Variants in FAM168A observed in about 807,000 individuals in gnomAD.
FAM168A encodes family with sequence similarity 168 member A.
In FAM168A, 3 loss-of-function variants were observed where a neutral mutation model predicts 28.5. The observed-to-expected ratio is 0.11, with a 90% CI of 0.05 to 0.27. The LOEUF is 0.27. Ranked by LOEUF, FAM168A falls within the 10% of genes least tolerant of loss-of-function variation. The pLI is 1.00. For missense variants in FAM168A, 222 were observed against 311.5 expected (o/e 0.71, Z 2.16); for synonymous variants, 122 against 124.2 (o/e 0.98, Z 0.12).
intron 1 of FAM168A, among the ~76,000 whole-genome samples, chr11:73,518,602 T>C (rs1167643894): frequency 6.6e-6 from 1 of 151,784 alleles, no homozygotes; most frequent in Non-Finnish European, 1.5e-5. Flanking sequence ...GTGCTGGCTC[T>C]TAAAACGAAT....
intron 1 of FAM168A, among the ~76,000 whole-genome samples, chr11:73,579,912 T>C (rs1044023806): frequency 1.3e-5 from 2 of 152,212 alleles, no homozygotes; most frequent in South Asian, 2.1e-4. Context: ...ATTTTTCAGA[T>C]ACCATTCATT....
chr11:73,497,396 C>T (rs532066428), intron 1 of FAM168A, among the ~76,000 whole-genome samples: 33 of 151,636 alleles, frequency 2.2e-4, no homozygotes, highest in East Asian at 9.7e-4. Flanking sequence ...ACCTGGGAGG[C>T]GGAGGTTGCA....
chr11:73,597,059 T>C (rs1376259544), intron 1 of FAM168A, among the ~76,000 whole-genome samples: 1 of 152,036 alleles, frequency 6.6e-6, no homozygotes, highest in East Asian at 1.9e-4. Flanking sequence ...TTTCCAGTGA[T>C]TGTAAGATCA....
intron 3 of FAM168A, among the ~76,000 whole-genome samples, chr11:73,429,564 C>T (rs1866948032): frequency 6.6e-6 from 1 of 152,198 alleles, no homozygotes; most frequent in Non-Finnish European, 1.5e-5. Context: ...CATGTTCTCA[C>T]ATCTCTAAGC....
intron 1 of FAM168A, among the ~76,000 whole-genome samples, chr11:73,550,803 C>T (rs908386590): frequency 2.0e-5 from 3 of 150,724 alleles, no homozygotes. Context: ...GCTGGAACAA[C>T]ATATGAAAAA....
chr11:73,455,056 C>G (rs1867504267), intron 2 of FAM168A, among the ~76,000 whole-genome samples: 3 of 152,244 alleles, frequency 2.0e-5, no homozygotes, highest in African/African-American at 7.2e-5. Flanking sequence ...GCTGTTAACA[C>G]TTAAGCTGTT....
At chr11:73,496,554 T>TG (rs1226631155) in intron 1 of FAM168A, among the ~76,000 whole-genome samples, 3 of 152,182 alleles carry the variant, frequency 2.0e-5, no homozygotes, top group African/African-American at 7.2e-5. Flanking sequence ...TTTGTTTGTT[T>TG]GTTTGGTTGG....
chr11:73,507,670 ATGT>A (rs1229579064), intron 1 of FAM168A, among the ~76,000 whole-genome samples: 11 of 152,190 alleles, frequency 7.2e-5, no homozygotes, highest in Admixed American at 7.2e-4. Context: ...TATACATGCC[ATGT>A]TATTATTGGT....
intron 2 of FAM168A, among the ~76,000 whole-genome samples, chr11:73,464,882 C>G (rs1023983948): frequency 4.7e-5 from 7 of 147,556 alleles, no homozygotes; most frequent in African/African-American, 1.5e-4. Context: ...TTTTTTAAAA[C>G]AAATGATAGA....
chr11:73,516,156 A>G (rs1330501313), intron 1 of FAM168A, among the ~76,000 whole-genome samples: 3 of 152,080 alleles, frequency 2.0e-5, no homozygotes, highest in Non-Finnish European at 2.9e-5. Context: ...AAAGGCATTA[A>G]GATTTCTGGC....
intron 1 of FAM168A, among the ~76,000 whole-genome samples, chr11:73,513,680 C>T (rs1479808750): frequency 6.6e-6 from 1 of 152,076 alleles, no homozygotes; most frequent in Non-Finnish European, 1.5e-5. Flanking sequence ...GTCACCTGAC[C>T]TGCACTGGAA....
intron 3 of FAM168A, among the ~76,000 whole-genome samples, chr11:73,423,918 T>A (rs1025131866): frequency 1.3e-5 from 2 of 152,214 alleles, no homozygotes; most frequent in Non-Finnish European, 2.9e-5. Flanking sequence ...CTATTTCAGA[T>A]GCTATAACTG....
chr11:73,551,557 T>C (rs1943829432), intron 1 of FAM168A, among the ~76,000 whole-genome samples: 2 of 152,216 alleles, frequency 1.3e-5, no homozygotes, highest in African/African-American at 2.4e-5. Context: ...CCATTCCGGA[T>C]TTCGAACTAA....
chr11:73,546,911 CA>C (rs1307993675), intron 1 of FAM168A, among the ~76,000 whole-genome samples: 1 of 151,446 alleles, frequency 6.6e-6, no homozygotes, highest in Admixed American at 6.6e-5. Context: ...ACAAAAACTG[CA>C]TATGAAAAAA....
At chr11:73,510,189 T>C (rs1203602872) in intron 1 of FAM168A, among the ~76,000 whole-genome samples, 2 of 152,094 alleles carry the variant, frequency 1.3e-5, no homozygotes, top group African/African-American at 2.4e-5. Context: ...GTAGCTAAGA[T>C]CCTCCATCCA....
chr11:73,430,636 AAT>A, intron 3 of FAM168A, 52 bp downstream of exon 3: 3 of 1,541,700 alleles, frequency 1.9e-6, no homozygotes, highest in Non-Finnish European at 2.7e-6. Flanking sequence ...GCTTTTCCCA[AAT>A]AGAGTCCCCC....
At chr11:73,436,931 C>G (rs1867096911) in intron 2 of FAM168A, among the ~76,000 whole-genome samples, 1 of 152,176 alleles carries the variant, frequency 6.6e-6, no homozygotes, top group African/African-American at 2.4e-5. Flanking sequence ...ACAACAACTA[C>G]TGTTTCCACT....
At chr11:73,452,926 G>A (rs1396542480) in intron 2 of FAM168A, among the ~76,000 whole-genome samples, 7 of 152,122 alleles carry the variant, frequency 4.6e-5, no homozygotes, top group African/African-American at 1.4e-4. Context: ...ATAAATAGGC[G>A]CACCTTCCTG....
At chr11:73,524,034 ATAAT>A (rs1657091066) in intron 1 of FAM168A, among the ~76,000 whole-genome samples, 1 of 152,064 alleles carries the variant, frequency 6.6e-6, no homozygotes, top group Non-Finnish European at 1.5e-5. Context: ...CCCTACTCTC[ATAAT>A]TAATTGTTAG....
Sources: gnomAD v4.1 joint callset for allele counts (sites outside exome capture counted in the v4.1 genomes callset) on GRCh38, gnomAD v4.1.1 for gene constraint, MANE v1.5 for transcripts, NCBI Gene and HGNC (gene_info 2026-07-23, HGNC 2026-07-21) for gene names.